The following PRICKLE2 variants were observed in gnomAD, a reference collection of about 807,000 sequenced individuals.
PRICKLE2 encodes the protein prickle planar cell polarity protein 2.
PRICKLE2 carries 21 observed loss-of-function variants against 81.4 expected under a neutral mutation model. The observed-to-expected ratio is 0.26, with a 90% CI of 0.18 to 0.37. PRICKLE2 has a LOEUF of 0.37. PRICKLE2 is among the 10% of genes least tolerant of loss of function. The pLI is 1.00. For synonymous variants in PRICKLE2, 456 were observed against 421.5 expected, an observed-to-expected ratio of 1.08 and a Z score of -1.00; for missense variants, 940 against 1,109.0, an observed-to-expected ratio of 0.85 and a Z score of 2.16.
At chr3:64,207,867 C>T (rs920711632) in intron 1 of PRICKLE2, among the ~76,000 whole-genome samples, 1 of 152,152 alleles carries the variant, frequency 6.6e-6, no homozygotes, top group Non-Finnish European at 1.5e-5. Context: ...AGTCATATAA[C>T]CTCCAATGCT....
At chr3:64,151,435 C>T (rs1183636920) in intron 6 of PRICKLE2, among the ~76,000 whole-genome samples, 2 of 152,074 alleles carry the variant, frequency 1.3e-5, no homozygotes, top group East Asian at 1.9e-4. Flanking sequence ...AGAAGAAAAC[C>T]GAGGGGCCAT....
At chr3:64,183,887 T>C (rs908632266) in intron 2 of PRICKLE2, among the ~76,000 whole-genome samples, 3 of 152,206 alleles carry the variant, frequency 2.0e-5, no homozygotes, top group African/African-American at 7.2e-5. Flanking sequence ...CCAGTCTACA[T>C]TCCCTGGGTA....
intron 2 of PRICKLE2, among the ~76,000 whole-genome samples, chr3:64,267,656 T>C (rs1188394229): frequency 6.6e-6 from 1 of 151,774 alleles, no homozygotes; most frequent in African/African-American, 2.4e-5. Flanking sequence ...CCTCGTGATA[T>C]TATGATTACC....
chr3:64,106,779 C>T (rs935684385), intron 7 of PRICKLE2, among the ~76,000 whole-genome samples: 1 of 152,102 alleles, frequency 6.6e-6, no homozygotes, highest in Non-Finnish European at 1.5e-5. Flanking sequence ...TCTGTGTGTG[C>T]GTGCTCAAGC....
intron 2 of PRICKLE2, among the ~76,000 whole-genome samples, chr3:64,259,697 G>A (rs576763259): frequency 4.5e-4 from 69 of 152,306 alleles, no homozygotes; most frequent in African/African-American, 1.4e-3. Flanking sequence ...AGTATCCTTA[G>A]AGAGGCAGAG....
At chr3:64,203,735 G>C (rs139769815) in intron 1 of PRICKLE2, among the ~76,000 whole-genome samples, 1 of 151,604 alleles carries the variant, frequency 6.6e-6, no homozygotes, top group African/African-American at 2.4e-5. Context: ...CAAATAACTC[G>C]AGGTGGATGG....
intron 7 of PRICKLE2, among the ~76,000 whole-genome samples, chr3:64,106,881 C>T (rs1200079434): frequency 6.6e-6 from 1 of 152,220 alleles, no homozygotes; most frequent in Non-Finnish European, 1.5e-5. Flanking sequence ...AGTACCCCTA[C>T]ATCCTCTGGA....
At chr3:64,213,462 TAG>T (rs1369075053) in intron 1 of PRICKLE2, among the ~76,000 whole-genome samples, 1 of 152,232 alleles carries the variant, frequency 6.6e-6, no homozygotes, top group Non-Finnish European at 1.5e-5. Context: ...TCAAGGACTT[TAG>T]AGTTACCAAG....
At position 64,157,265 on chromosome 3, in the gene PRICKLE2, T is replaced by C. The variant is rs1212461691; in HGVS notation, c.497A>G (p.Asn166Ser). 3 of 1,614,232 alleles carry C rather than the reference T, an allele frequency of 1.9e-6. No individual in the cohort carries two copies. Among genetic ancestry groups the C allele is most frequent in the Non-Finnish European group, 1.7e-6 (2 of 1,180,030 alleles). Residue 166 changes from asparagine (N) to serine (S), a missense_variant, in exon 5 of 8, where the codon AAT (asparagine) becomes AGT (serine). Physicochemically the swap from Asn to Ser is conservative, Grantham distance 46. This residue lies in a region of PRICKLE2 where 270 missense variants were observed against 391.8 expected (regional missense o/e 0.69). Coordinates refer to ENST00000638394, the MANE Select transcript of PRICKLE2 (RefSeq NM_198859.4). ...GTAGATCAGATCCACCAGGAGCTCA[T>C]TGCAGACAGTGCATACGAAGCACGG... ...HPPCFVCTVC[N>S]ELLVDLIYFY...
chr3:64,099,282 G>C lies in PRICKLE2; in HGVS notation c.2304C>G (p.Tyr768Ter). The change falls in exon 8 of 8, where the codon TAC (tyrosine) becomes TAG (stop). Residue 768 changes from tyrosine to a stop codon, truncating the protein, a stop_gained. Transcript: ENST00000638394. LOFTEE classifies it high-confidence loss of function. This position sits in a 1 kb window ranked among gnomAD's most constrained non-coding sequence, Gnocchi z 4.3. The stretch of plus-strand genomic sequence containing the variant: ...TGGAACACCAATCATACTCGGCGAA[G>C]TAGGGTCCCCAGCGGTCCCCAAAGG... ...QNAFGDRWGP[Y>*]FAEYDWCSTC... 6.2e-7 allele frequency: 1 copy of C among 1,614,198 alleles called. No individual in the cohort carries two copies. Among genetic ancestry groups the C allele is most frequent in the Non-Finnish European group, 8.5e-7 (1 of 1,180,040 alleles).
chr3:64,106,092 A>G (rs1442886213), intron 7 of PRICKLE2: 3 of 152,244 alleles, frequency 2.0e-5, no homozygotes, highest in South Asian at 4.1e-4. Context: ...GTATGCAGGA[A>G]GAAGGTTTAG....
intron 2 of PRICKLE2, among the ~76,000 whole-genome samples, chr3:64,164,364 A>C (rs697274): frequency 3.3e-5 from 5 of 152,026 alleles, no homozygotes; most frequent in Admixed American, 3.3e-4. Context: ...ATAAAAAAAA[A>C]AAAATTTGTT....
intron 7 of PRICKLE2, among the ~76,000 whole-genome samples, chr3:64,115,762 G>A (rs116095725): frequency 2.2e-3 from 339 of 151,788 alleles, no homozygotes; most frequent in Non-Finnish European, 4.1e-3. Context: ...AGGATTTACA[G>A]CCCCACTGAC....
chr3:64,171,303 T>G (rs902871266), intron 2 of PRICKLE2, among the ~76,000 whole-genome samples: 1 of 152,204 alleles, frequency 6.6e-6, no homozygotes, highest in Non-Finnish European at 1.5e-5. Context: ...TATTTGACAA[T>G]GTCTACAAAC....
At chr3:64,262,062 A>C (rs1051692133) in intron 2 of PRICKLE2, among the ~76,000 whole-genome samples, 2 of 152,126 alleles carry the variant, frequency 1.3e-5, no homozygotes, top group Non-Finnish European at 2.9e-5. Flanking sequence ...AAATCCATAG[A>C]CCTTATATGT....
At chr3:64,107,141 C>G (rs890878016) in intron 7 of PRICKLE2, among the ~76,000 whole-genome samples, 5 of 152,084 alleles carry the variant, frequency 3.3e-5, no homozygotes, top group Admixed American at 1.3e-4. Flanking sequence ...CCTTAAGATC[C>G]TTGGCTGTGC....
At chr3:64,205,676 T>C (rs912429997) in intron 1 of PRICKLE2, among the ~76,000 whole-genome samples, 2 of 152,214 alleles carry the variant, frequency 1.3e-5, no homozygotes, top group African/African-American at 4.8e-5. Context: ...GAAATTGAGA[T>C]TCGAATGGGA....
intron 7 of PRICKLE2, among the ~76,000 whole-genome samples, chr3:64,135,012 C>T (rs766852159): frequency 6.6e-6 from 1 of 152,184 alleles, no homozygotes; most frequent in African/African-American, 2.4e-5. Context: ...CACTCCTAGG[C>T]AGCAGAGTCA....
chr3:64,186,928 G>T (rs944227869), intron 2 of PRICKLE2, among the ~76,000 whole-genome samples: 1 of 152,206 alleles, frequency 6.6e-6, no homozygotes, highest in Non-Finnish European at 1.5e-5. Context: ...GTGCAGCTGT[G>T]AATTTATGCA....
Sources: gnomAD v4.1 joint callset for allele counts (sites outside exome capture counted in the v4.1 genomes callset) on GRCh38, gnomAD v4.1.1 for gene constraint, gnomAD v4.1.1 regional missense constraint, Gnocchi (gnomAD v3.1) non-coding constraint, MANE v1.5 for transcripts, NCBI Gene and HGNC (gene_info 2026-07-23, HGNC 2026-07-21) for gene names.